Variants in ERC1 observed in about 807,000 individuals in gnomAD.
The protein encoded by ERC1 is RAB6 interacting protein 2.
Under a neutral mutation model 132.0 loss-of-function variants are expected in ERC1, and 56 were observed. The observed-to-expected ratio is 0.42, with a 90% CI of 0.34 to 0.53. ERC1 has a LOEUF of 0.53. Ranked by LOEUF, ERC1 falls within the 20% of genes least tolerant of loss-of-function variation. The pLI is 0.03. For synonymous variants in ERC1, 478 were observed against 476.1 expected, an observed-to-expected ratio of 1.00 and a Z score of -0.05; for missense variants, 1,202 against 1,349.9, an observed-to-expected ratio of 0.89 and a Z score of 1.72.
chr12:1,394,300 TGAGGCAGGAGAATGGTGTGAACCTGG>T (rs1222180589), intron 16 of ERC1, among the ~76,000 whole-genome samples: 2 of 151,590 alleles, frequency 1.3e-5, no homozygotes, highest in Non-Finnish European at 2.9e-5. Context: ...CTGGGGAGGC[TGAGGCAGGAGAATGGTGTGAACCTGG>T]GAGGCGGAGC....
At chr12:1,142,962 G>A (rs1043214715) in intron 8 of ERC1, among the ~76,000 whole-genome samples, 2 of 152,190 alleles carry the variant, frequency 1.3e-5, no homozygotes, top group Non-Finnish European at 2.9e-5. Context: ...GCAGAGGCAC[G>A]ATCTCGGCTC....
At chr12:1,042,128 C>G (rs1236554620) in intron 2 of ERC1, among the ~76,000 whole-genome samples, 1 of 152,064 alleles carries the variant, frequency 6.6e-6, no homozygotes, top group Non-Finnish European at 1.5e-5. Flanking sequence ...CGCTCCGCTT[C>G]CCAGGTTCAC....
intron 15 of ERC1, among the ~76,000 whole-genome samples, chr12:1,311,155 T>C (rs1395130695): frequency 6.6e-6 from 1 of 152,242 alleles, no homozygotes; most frequent in African/African-American, 2.4e-5. Context: ...TTAGGTATCC[T>C]TTCTGGCACA....
At chr12:1,178,080 T>C (rs1953941292) in intron 8 of ERC1, among the ~76,000 whole-genome samples, 1 of 152,238 alleles carries the variant, frequency 6.6e-6, no homozygotes. Context: ...ATTATCTCTT[T>C]GTTAACAAGT....
intron 2 of ERC1, among the ~76,000 whole-genome samples, chr12:1,058,804 T>TTTTTTTG (rs1973491701): frequency 1.3e-5 from 2 of 150,706 alleles, no homozygotes; most frequent in Non-Finnish European, 3.0e-5. Context: ...TTTTTTTTTT[T>TTTTTTTG]TTTAAGAGAC....
intron 16 of ERC1, chr12:1,391,354 A>C (rs530488982): frequency 6.6e-6 from 1 of 152,336 alleles, no homozygotes; most frequent in African/African-American, 2.4e-5. Context: ...ATGGGTATTC[A>C]TGTCCCCACT....
At chr12:1,134,111 G>A (rs181298617) in intron 7 of ERC1, among the ~76,000 whole-genome samples, 58 of 152,090 alleles carry the variant, frequency 3.8e-4, no homozygotes, top group African/African-American at 1.3e-3. Flanking sequence ...CTTGGAAATA[G>A]TTTCATTCTT....
At chr12:1,001,878 T>A (rs1303901129) in intron 1 of ERC1, among the ~76,000 whole-genome samples, 33 of 135,238 alleles carry the variant, frequency 2.4e-4, no homozygotes, top group Admixed American at 7.3e-4. Context: ...TTTTTTTTCC[T>A]GAGACGGAGT....
intron 13 of ERC1, among the ~76,000 whole-genome samples, chr12:1,257,979 AGTTTGGACTAGCCAC>A (rs2076911695): frequency 6.6e-6 from 1 of 152,176 alleles, no homozygotes; most frequent in African/African-American, 2.4e-5. Flanking sequence ...AGCACATCTC[AGTTTGGACTAGCCAC>A]GTTTAATCAC....
rs1019080547 is a variant in ERC1 at position 1,493,058 on chromosome 12, CGAA to C, written c.*2834_*2836del. 49 of 222,754 alleles carry C rather than the reference CGAA, an allele frequency of 2.2e-4. No individual in the cohort carries two copies. The highest frequency in any genetic ancestry group is 8.9e-4 in the African/African-American group (40 of 44,816). The allele number at this position is 222,754 out of a possible 1,614,324, so 13.8% of individuals were successfully genotyped here. ...AACCAATGTCACCATAAAGAGGGCA[CGAA>C]GAAGAGTGGGTGTGATCCCAACGGG... is the stretch of plus-strand genomic sequence containing the variant. On this transcript the variant is annotated 3_prime_UTR_variant, in exon 19 of 19. Coordinates refer to ENST00000360905, the MANE Select transcript of ERC1 (RefSeq NM_178040.4).
intron 10 of ERC1, 23 bp downstream of exon 10, chr12:1,182,088 T>TA: frequency 1.2e-6 from 2 of 1,609,618 alleles, no homozygotes; most frequent in Middle Eastern, 3.4e-4. Flanking sequence ...AAAATGGAAT[T>TA]AGTTTGTTTG....
chr12:1,449,774 A>G (rs1252512048), intron 18 of ERC1, among the ~76,000 whole-genome samples: 3 of 152,300 alleles, frequency 2.0e-5, no homozygotes, highest in South Asian at 2.1e-4. Flanking sequence ...TGCACCTGAT[A>G]TAATTATTGA....
At chr12:1,281,097 G>A (rs1378655506) in intron 14 of ERC1, among the ~76,000 whole-genome samples, 1 of 152,122 alleles carries the variant, frequency 6.6e-6, no homozygotes, top group Non-Finnish European at 1.5e-5. Flanking sequence ...AAAACTTAAG[G>A]AAAGTGTTTG....
chr12:1,367,566 G>A (rs1732853309), intron 15 of ERC1, among the ~76,000 whole-genome samples: 1 of 152,134 alleles, frequency 6.6e-6, no homozygotes, highest in South Asian at 2.1e-4. Context: ...AGCAATAGAA[G>A]TCTAATGTTG....
chr12:1,388,898 C>A (rs991678781), intron 16 of ERC1, among the ~76,000 whole-genome samples: 1 of 152,212 alleles, frequency 6.6e-6, no homozygotes, highest in Non-Finnish European at 1.5e-5. Flanking sequence ...CTTGGTTACA[C>A]AAAGTCCACC....
At chr12:1,241,032 G>A (rs1215321563) in intron 13 of ERC1, among the ~76,000 whole-genome samples, 1 of 151,998 alleles carries the variant, frequency 6.6e-6, no homozygotes, top group African/African-American at 2.4e-5. Context: ...CAGATAAATT[G>A]TACCCAATTT....
At chr12:1,114,974 A>G (rs1020280566) in intron 6 of ERC1, among the ~76,000 whole-genome samples, 3 of 152,232 alleles carry the variant, frequency 2.0e-5, no homozygotes, top group Non-Finnish European at 2.9e-5. Context: ...ACCTAAGATT[A>G]TTACAATTAC....
intron 8 of ERC1, among the ~76,000 whole-genome samples, chr12:1,142,137 C>T (rs1041132193): frequency 4.8e-4 from 73 of 152,064 alleles, no homozygotes; most frequent in African/African-American, 1.7e-3. Flanking sequence ...GATGGTACAA[C>T]TTCATTTATG....
intron 12 of ERC1, among the ~76,000 whole-genome samples, chr12:1,192,235 A>G (rs17223448): frequency 0.45 from 67,826 of 152,144 alleles, 16,890 homozygotes; most frequent in African/African-American, 0.67. Context: ...TAGTATTATG[A>G]CTTGCTTACA....
Sources: gnomAD v4.1 joint callset for allele counts (sites outside exome capture counted in the v4.1 genomes callset) on GRCh38, gnomAD v4.1.1 for gene constraint, MANE v1.5 for transcripts, NCBI Gene and HGNC (gene_info 2026-07-23, HGNC 2026-07-21) for gene names.